VPS13B: variants seen among roughly 807,000 people sequenced by gnomAD.
VPS13B encodes vacuolar protein sorting 13 homolog B, also known as intermembrane lipid transfer protein VPS13B.
VPS13B carries 285 observed loss-of-function variants against 426.4 expected under a neutral mutation model. The observed-to-expected ratio is 0.67, with a 90% CI of 0.61 to 0.74. VPS13B has a LOEUF of 0.74. Ranked by LOEUF, VPS13B falls within the 30% of genes least tolerant of loss-of-function variation. VPS13B has a pLI of 0.00. For synonymous variants in VPS13B, 1,676 were observed against 1,676.4 expected, an observed-to-expected ratio of 1.00 and a Z score of 0.01; for missense variants, 4,537 against 4,782.6, an observed-to-expected ratio of 0.95 and a Z score of 1.51.
At chr8:99,161,943 G>C (rs1403812960) in intron 15 of VPS13B, among the ~76,000 whole-genome samples, 2 of 152,114 alleles carry the variant, frequency 1.3e-5, no homozygotes, top group African/African-American at 4.8e-5. Flanking sequence ...ATGTTGACCA[G>C]GCTGGTCTCG....
intron 30 of VPS13B, among the ~76,000 whole-genome samples, chr8:99,549,633 C>T (rs906090790): frequency 1.3e-5 from 2 of 152,150 alleles, no homozygotes; most frequent in African/African-American, 4.8e-5. Flanking sequence ...GCAAGGCAAG[C>T]CCATCTTGTG....
chr8:99,597,206 A>C (rs932240644), intron 33 of VPS13B, among the ~76,000 whole-genome samples: 4 of 152,086 alleles, frequency 2.6e-5, no homozygotes, highest in Admixed American at 6.6e-5. Context: ...TCGCCCTGTG[A>C]CACTGGCCTG....
intron 39 of VPS13B, among the ~76,000 whole-genome samples, chr8:99,733,057 A>G (rs1325697917): frequency 6.6e-6 from 1 of 152,194 alleles, no homozygotes. Context: ...AGTGTGTTTG[A>G]TGTTCACTGC....
intron 39 of VPS13B, among the ~76,000 whole-genome samples, chr8:99,740,875 A>G (rs1157769628): frequency 2.0e-5 from 3 of 152,170 alleles, no homozygotes; most frequent in Non-Finnish European, 4.4e-5. Context: ...AATCATGCCA[A>G]ATTGTAAAGA....
intron 54 of VPS13B, among the ~76,000 whole-genome samples, chr8:99,844,363 C>CTT (rs71572047): frequency 1.0e-3 from 131 of 131,010 alleles, no homozygotes; most frequent in East Asian, 5.0e-3. Flanking sequence ...CTTTCTCAGG[C>CTT]TTTTTTTTTT....
At chr8:99,634,848 T>A (rs1829007879) in intron 33 of VPS13B, among the ~76,000 whole-genome samples, 1 of 151,988 alleles carries the variant, frequency 6.6e-6, no homozygotes, top group Non-Finnish European at 1.5e-5. Flanking sequence ...AGCACATCAC[T>A]GAGTTGAGAT....
intron 19 of VPS13B, among the ~76,000 whole-genome samples, chr8:99,368,532 A>G (rs962289758): frequency 3.2e-4 from 48 of 152,196 alleles, no homozygotes; most frequent in African/African-American, 1.0e-3. Flanking sequence ...CCTGTATCTT[A>G]AATCTATTTA....
chr8:99,183,907 A>T (rs972712991), intron 16 of VPS13B, among the ~76,000 whole-genome samples: 2 of 152,144 alleles, frequency 1.3e-5, no homozygotes, highest in African/African-American at 4.8e-5. Context: ...GTTAATCCTA[A>T]TTCTTACCCC....
chr8:99,014,397 C>T (rs745308458), intron 2 of VPS13B, among the ~76,000 whole-genome samples: 4 of 151,786 alleles, frequency 2.6e-5, no homozygotes, highest in African/African-American at 4.8e-5. Context: ...GGATTATAGG[C>T]GTGAGCCACC....
Position 99,463,968 on chromosome 8 carries a change from T to C in VPS13B, c.3446-3446T>C, listed in dbSNP as rs1295269663. Among the ~76,000 whole-genome samples, 4 of 152,306 alleles carry C rather than the reference T, an allele frequency of 2.6e-5. No individual in the cohort carries two copies. The East Asian group carries it at 7.7e-4, about 29-fold the overall frequency. On this transcript the variant is annotated intron_variant, in intron 23 of 61. Coordinates refer to ENST00000357162, the MANE Select transcript of VPS13B (RefSeq NM_152564.5). Reference sequence around the variant, plus strand: ...CTTCGGCCTCCCAAAGTGTTGGTATTACAAGCATGAGCCACCGCTCCAGGC... The same window carrying C: ...CTTCGGCCTCCCAAAGTGTTGGTATCACAAGCATGAGCCACCGCTCCAGGC...
intron 39 of VPS13B, among the ~76,000 whole-genome samples, chr8:99,741,622 G>A (rs865947376): frequency 0.019 from 2,967 of 152,228 alleles, 103 homozygotes; most frequent in African/African-American, 0.068. Context: ...ATAACAAACT[G>A]TCTCTCAGAC....
At chr8:99,697,241 G>T in intron 35 of VPS13B, 1 of 577,170 alleles carries the variant, frequency 1.7e-6, no homozygotes, top group South Asian at 1.9e-5. Flanking sequence ...CGCTGCAGGA[G>T]GAGGCAGCCA....
At chr8:99,259,333 TA>T (rs1563632034) in intron 17 of VPS13B, among the ~76,000 whole-genome samples, 1 of 152,170 alleles carries the variant, frequency 6.6e-6, no homozygotes, top group Admixed American at 6.6e-5. Context: ...GCAAGACTTC[TA>T]AAAAAATTTA....
chr8:99,128,899 G>C (rs1353944266), intron 8 of VPS13B, among the ~76,000 whole-genome samples: 1 of 152,110 alleles, frequency 6.6e-6, no homozygotes, highest in Non-Finnish European at 1.5e-5. Context: ...CAGCACTTTG[G>C]GAGGCTGAGG....
Position 99,846,251 on chromosome 8 carries a change from G to A in VPS13B, c.9943-2525G>A, listed in dbSNP as rs75064098. ...ATGATGGTGAATACACTGAGAGGGAGACGCATTTTATACACCTGTGGTCTG... is the reference window on the plus strand; with the variant it reads ...ATGATGGTGAATACACTGAGAGGGAAACGCATTTTATACACCTGTGGTCTG... On this transcript the variant is annotated intron_variant, in intron 54 of 61. Transcript: ENST00000357162. 1.2e-4 allele frequency among the ~76,000 whole-genome samples: 18 copies of A among 152,338 alleles called. No homozygotes were observed. The East Asian group carries it at 3.5e-3, about 29-fold the overall frequency.
intron 19 of VPS13B, among the ~76,000 whole-genome samples, chr8:99,360,130 CTTTCTTT>C (rs1812427092): frequency 5.0e-5 from 1 of 19,854 alleles, no homozygotes; most frequent in Non-Finnish European, 9.2e-5. Flanking sequence ...ATCTTTCTTT[CTTTCTTT>C]CTTTCTTTCT....
At chr8:99,735,273 C>T (rs1833776984) in intron 39 of VPS13B, among the ~76,000 whole-genome samples, 1 of 152,156 alleles carries the variant, frequency 6.6e-6, no homozygotes, top group African/African-American at 2.4e-5. Flanking sequence ...ACAGTTTCCC[C>T]TCCCAAATTC....
chr8:99,661,623 C>T (rs1830227640), intron 35 of VPS13B, 132 bp downstream of exon 35: 1 of 1,088,474 alleles, frequency 9.2e-7, no homozygotes, highest in Non-Finnish European at 1.3e-6. Flanking sequence ...GAGGTGTATG[C>T]TTTTCAGGCT....
rs138499500 is a variant in VPS13B at position 99,648,903 on chromosome 8, G to C, written c.5908+6405G>C. Among the ~76,000 whole-genome samples the C allele has an allele frequency of 1.7e-3, 264 of 151,058 alleles. 1 individual carries two copies. The highest frequency in any genetic ancestry group is 6.2e-3 in the African/African-American group (258 of 41,388). ...AACCTCCTTTTGCATTTCTTTTAGA[G>C]CAGAGCTGCTAGCAATAAATACTGT... On this transcript the variant is annotated intron_variant, in intron 34 of 61. Transcript: ENST00000357162.
Sources: gnomAD v4.1 joint callset for allele counts (sites outside exome capture counted in the v4.1 genomes callset) on GRCh38, gnomAD v4.1.1 for gene constraint, MANE v1.5 for transcripts, NCBI Gene and HGNC (gene_info 2026-07-23, HGNC 2026-07-21) for gene names.